EEIG2: variants seen among roughly 807,000 people sequenced by gnomAD.
The protein encoded by EEIG2 is family with sequence similarity 102 member B.
the EEIG2 span, among the ~76,000 whole-genome samples, chr1:108,589,783 C>CTTT: frequency 6.8e-3 from 578 of 85,102 alleles, 8 homozygotes; most frequent in African/African-American, 0.012. Flanking sequence ...GTCTTTTGTC[C>CTTT]TTTTTTTTTT....
chr1:108,590,402 A>G, the EEIG2 span, among the ~76,000 whole-genome samples: 1 of 152,176 alleles, frequency 6.6e-6, no homozygotes, highest in Non-Finnish European at 1.5e-5. Context: ...TTTGACCATT[A>G]TTTCACTCTG....
the EEIG2 span, among the ~76,000 whole-genome samples, chr1:108,591,820 G>A: frequency 6.6e-6 from 1 of 152,078 alleles, no homozygotes; most frequent in Non-Finnish European, 1.5e-5. Context: ...TGGTGAGTGC[G>A]GGAAGTTGAA....
chr1:108,588,865 T>A, the EEIG2 span, among the ~76,000 whole-genome samples: 1 of 152,088 alleles, frequency 6.6e-6, no homozygotes, highest in Non-Finnish European at 1.5e-5. Flanking sequence ...TTTAATGAAA[T>A]TTTTCATCAA....
At chr1:108,592,159 A>G in the EEIG2 span, among the ~76,000 whole-genome samples, 2 of 152,344 alleles carry the variant, frequency 1.3e-5, no homozygotes, top group East Asian at 3.9e-4. Flanking sequence ...GGGAAGAGAT[A>G]TTGAGAGTCT....
chr1:108,575,649 T>A, the EEIG2 span, among the ~76,000 whole-genome samples: 1 of 152,204 alleles, frequency 6.6e-6, no homozygotes, highest in East Asian at 1.9e-4. Context: ...AATGAAGTAC[T>A]GCTAAATGCA....
At chr1:108,580,855 GCAGCAACTT>G in the EEIG2 span, among the ~76,000 whole-genome samples, 1 of 152,150 alleles carries the variant, frequency 6.6e-6, no homozygotes, top group Non-Finnish European at 1.5e-5. Flanking sequence ...AAGTAAGAGC[GCAGCAACTT>G]ATCCAGAAGA....
chr1:108,629,653 A>G, the EEIG2 span: 1 of 1,608,624 alleles, frequency 6.2e-7, no homozygotes, highest in East Asian at 2.2e-5. Context: ...TCATCTTCCA[A>G]ATAGGTAAGT....
the EEIG2 span, among the ~76,000 whole-genome samples, chr1:108,598,449 C>T: frequency 1.3e-5 from 2 of 151,700 alleles, no homozygotes; most frequent in Non-Finnish European, 2.9e-5. Flanking sequence ...CAACTGCCCT[C>T]CTTACCAGGG....
chr1:108,636,318 T>G, the EEIG2 span: 2 of 152,202 alleles, frequency 1.3e-5, no homozygotes, highest in African/African-American at 2.4e-5. Flanking sequence ...TGTGGAAAGA[T>G]CTAAACTTTC....
chr1:108,587,785 A>G, the EEIG2 span, among the ~76,000 whole-genome samples: 4 of 152,078 alleles, frequency 2.6e-5, no homozygotes, highest in East Asian at 1.9e-4. Flanking sequence ...CTTTCCTTCA[A>G]TTAATCTAGG....
the EEIG2 span, among the ~76,000 whole-genome samples, chr1:108,629,353 G>A: frequency 6.6e-6 from 1 of 152,158 alleles, no homozygotes; most frequent in East Asian, 1.9e-4. Flanking sequence ...AAATTTCTAG[G>A]AAGAGCTATC....
At chr1:108,567,688 G>C in the EEIG2 span, among the ~76,000 whole-genome samples, 2 of 152,182 alleles carry the variant, frequency 1.3e-5, no homozygotes, top group Non-Finnish European at 2.9e-5. Flanking sequence ...TGAGGCAATT[G>C]TATATGAAAG....
the EEIG2 span, among the ~76,000 whole-genome samples, chr1:108,576,960 T>A: frequency 1.3e-5 from 2 of 151,392 alleles, no homozygotes; most frequent in Non-Finnish European, 3.0e-5. Flanking sequence ...CAGCACCTGT[T>A]GTTTCCTGAC....
chr1:108,619,768 T>G, the EEIG2 span, among the ~76,000 whole-genome samples: 1 of 152,172 alleles, frequency 6.6e-6, no homozygotes. Flanking sequence ...GGTGCGCCTG[T>G]CGTCCCAGCT....
At chr1:108,608,565 A>G in the EEIG2 span, among the ~76,000 whole-genome samples, 1 of 152,220 alleles carries the variant, frequency 6.6e-6, no homozygotes, top group African/African-American at 2.4e-5. Context: ...GTTCTTCACT[A>G]GAATGTAAGC....
the EEIG2 span, among the ~76,000 whole-genome samples, chr1:108,582,778 C>G: frequency 6.6e-6 from 1 of 152,042 alleles, no homozygotes; most frequent in Non-Finnish European, 1.5e-5. Context: ...TGGGGTAGGA[C>G]AGAAACAGAC....
chr1:108,562,189 G>A, the EEIG2 span, among the ~76,000 whole-genome samples: 5 of 152,156 alleles, frequency 3.3e-5, no homozygotes, highest in Admixed American at 1.3e-4. Context: ...TGGTAAGTGC[G>A]ATGCCAAGAT....
At chr1:108,609,590 A>G in the EEIG2 span, among the ~76,000 whole-genome samples, 1 of 152,164 alleles carries the variant, frequency 6.6e-6, no homozygotes, top group Non-Finnish European at 1.5e-5. Context: ...AGTAAGTGCT[A>G]AAGGCCTTGA....
chr1:108,586,035 A>G, the EEIG2 span, among the ~76,000 whole-genome samples: 2 of 152,126 alleles, frequency 1.3e-5, no homozygotes, highest in Admixed American at 6.6e-5. Flanking sequence ...GAAAATACCA[A>G]CGGAGGAATA....
Sources: gnomAD v4.1 joint callset for allele counts (sites outside exome capture counted in the v4.1 genomes callset) on GRCh38, gnomAD v4.1.1 for gene constraint, MANE v1.5 for transcripts, NCBI Gene and HGNC (gene_info 2026-07-23, HGNC 2026-07-21) for gene names.